The following SATB2 variants were observed in gnomAD, a reference collection of about 807,000 sequenced individuals.
SATB2 encodes DNA-binding protein SATB2.
SATB2 carries 1 observed loss-of-function variant against 73.4 expected under a neutral mutation model. The ratio of observed to expected loss-of-function variants is 0.01; its 90% CI spans 0.00 to 0.06. SATB2 has a LOEUF of 0.06. Ranked by LOEUF, SATB2 falls within the 10% of genes least tolerant of loss-of-function variation. The pLI, the probability that SATB2 is intolerant of heterozygous loss-of-function variation, is 1.00. For synonymous variants in SATB2, 397 were observed against 367.0 expected, an observed-to-expected ratio of 1.08 and a Z score of -0.93; for missense variants, 459 against 945.8, an observed-to-expected ratio of 0.49 and a Z score of 6.75.
chr2:199,380,553 C>T, intron 4 of SATB2, 66 bp from the exon 5 acceptor site: 1 of 1,582,540 alleles, frequency 6.3e-7, no homozygotes, highest in East Asian at 2.2e-5. Context: ...GAAGAGGAGA[C>T]ACTGCAGCAG....
At chr2:199,366,324 C>G (rs16831370) in intron 6 of SATB2, among the ~76,000 whole-genome samples, 5,391 of 152,094 alleles carry the variant, frequency 0.035, 150 homozygotes, top group Middle Eastern at 0.085. Flanking sequence ...CAAATCAAAT[C>G]ATTACTTTCC....
chr2:199,386,324 A>G (rs1689930843), intron 3 of SATB2, among the ~76,000 whole-genome samples: 1 of 152,156 alleles, frequency 6.6e-6, no homozygotes, highest in African/African-American at 2.4e-5. Flanking sequence ...TTCAGATTTG[A>G]GATGCTCAAC....
intron 10 of SATB2, among the ~76,000 whole-genome samples, chr2:199,304,009 T>C (rs187458837): frequency 3.9e-5 from 6 of 152,312 alleles, no homozygotes; most frequent in South Asian, 2.1e-4. Context: ...TGCTCCCTAA[T>C]CACCCTCACT....
intron 7 of SATB2, among the ~76,000 whole-genome samples, chr2:199,337,721 C>T (rs1168302625): frequency 2.0e-5 from 3 of 152,108 alleles, no homozygotes; most frequent in Middle Eastern, 3.2e-3. Flanking sequence ...CAATTTTAGA[C>T]ACAGAACTGT....
chr2:199,470,410 G>A (rs1692681281), intron 1 of SATB2: 1 of 152,198 alleles, frequency 6.6e-6, no homozygotes, highest in African/African-American at 2.4e-5. Context: ...GTTTCTGCTT[G>A]GGTCAGAGGG....
chr2:199,327,196 T>C (rs1037997834), intron 8 of SATB2, among the ~76,000 whole-genome samples: 2 of 152,182 alleles, frequency 1.3e-5, no homozygotes, highest in Admixed American at 6.5e-5. Context: ...TCCCAGCACT[T>C]TGCAAGGCCG....
intron 10 of SATB2, among the ~76,000 whole-genome samples, chr2:199,295,924 G>A (rs980999189): frequency 3.9e-5 from 6 of 152,198 alleles, no homozygotes; most frequent in African/African-American, 1.4e-4. Flanking sequence ...TCAGAACTTT[G>A]GCAGTTTTCC....
rs548809345 is a variant in SATB2 at position 199,391,171 on chromosome 2, C to A, written c.347-9351G>T. ...TCCCTTTAGAATATTTTAGGCCGGG[C>A]GCGGTGGCTCACGCCTGTAATCCCA... On this transcript the variant is annotated intron_variant, in intron 3 of 10. Coordinates refer to ENST00000417098, the MANE Select transcript of SATB2 (RefSeq NM_001172509.2). 2.0e-5 allele frequency among the ~76,000 whole-genome samples: 3 copies of A among 152,038 alleles called. No individual in the cohort carries two copies. In the South Asian group the frequency reaches 6.2e-4, roughly 32 times the overall value.
intron 10 of SATB2, among the ~76,000 whole-genome samples, chr2:199,283,280 C>T (rs377042033): frequency 1.5e-5 from 2 of 137,456 alleles, no homozygotes; most frequent in South Asian, 2.3e-4. Flanking sequence ...TTTGTAGGGA[C>T]GGGGTTTCAT....
intron 3 of SATB2, among the ~76,000 whole-genome samples, chr2:199,413,435 A>C (rs1048227626): frequency 6.6e-6 from 1 of 152,288 alleles, no homozygotes; most frequent in Middle Eastern, 3.4e-3. Context: ...CTCTGAATCT[A>C]ATCAGGACTC....
chr2:199,281,373 G>T (rs1692488911), intron 10 of SATB2, among the ~76,000 whole-genome samples: 2 of 151,838 alleles, frequency 1.3e-5, no homozygotes, highest in Admixed American at 6.6e-5. Context: ...CAGTTTCCCA[G>T]GTGGTCACGT....
chr2:199,368,844 T>C, intron 5 of SATB2, 137 bp from the exon 6 acceptor site: 1 of 602,212 alleles, frequency 1.7e-6, no homozygotes, highest in Non-Finnish European at 2.9e-6. Flanking sequence ...AACTGAACTA[T>C]TAACATCAAA....
intron 9 of SATB2, among the ~76,000 whole-genome samples, chr2:199,315,381 G>T (rs1048356950): frequency 2.0e-5 from 3 of 152,018 alleles, no homozygotes; most frequent in African/African-American, 7.3e-5. Context: ...AATGACCAGG[G>T]AGGCCTTTCA....
intron 6 of SATB2, among the ~76,000 whole-genome samples, chr2:199,361,448 C>T (rs567719395): frequency 2.6e-5 from 4 of 151,960 alleles, no homozygotes; most frequent in South Asian, 2.1e-4. Context: ...ATTCCATTTC[C>T]GTCAATTACT....
chr2:199,415,291 A>T (rs764986040), intron 3 of SATB2, among the ~76,000 whole-genome samples: 4 of 152,238 alleles, frequency 2.6e-5, no homozygotes, highest in African/African-American at 4.8e-5. Context: ...ATGGTCTCAA[A>T]GAAATAACCA....
At position 199,409,167 on chromosome 2, in the gene SATB2, CTTTT is replaced by C. The variant is rs67330007; in HGVS notation, c.346+24167_346+24170del. Among the ~76,000 whole-genome samples the C allele has an allele frequency of 6.1e-5, 7 of 115,236 alleles. No individual in the cohort carries two copies. In the South Asian group the frequency reaches 1.8e-3, roughly 29 times the overall value. The allele number at this position is 115,236 out of a possible 152,430, so 75.6% of individuals were successfully genotyped here. On this transcript the variant is annotated intron_variant, in intron 3 of 10. Transcript: ENST00000417098. ...GCTCCAACATTTTCTTTTTTCTTTT[CTTTT>C]TTTTTTTTTTTTTTTGAGACGGAGT... is the stretch of plus-strand genomic sequence containing the variant.
intron 2 of SATB2, among the ~76,000 whole-genome samples, chr2:199,433,764 T>C (rs1393456758): frequency 2.6e-5 from 4 of 152,122 alleles, no homozygotes; most frequent in Non-Finnish European, 5.9e-5. Flanking sequence ...AGAGGTGTCC[T>C]GGTACATAGG....
upstream of SATB2, among the ~76,000 whole-genome samples, chr2:199,462,506 A>G (rs889564834): frequency 6.6e-6 from 1 of 152,162 alleles, no homozygotes; most frequent in Admixed American, 6.5e-5. The surrounding 1 kb of genome is among the most constrained non-coding windows in gnomAD (Gnocchi z 5.9). Context: ...CCTTTCCCAG[A>G]GTGCTCCGGG....
chr2:199,349,971 A>T (rs1688766661), intron 6 of SATB2, among the ~76,000 whole-genome samples: 1 of 152,170 alleles, frequency 6.6e-6, no homozygotes, highest in Non-Finnish European at 1.5e-5. Flanking sequence ...TGTCTTAGGA[A>T]AGACAGTCAC....
Sources: gnomAD v4.1 joint callset for allele counts (sites outside exome capture counted in the v4.1 genomes callset) on GRCh38, gnomAD v4.1.1 for gene constraint, Gnocchi (gnomAD v3.1) non-coding constraint, MANE v1.5 for transcripts, NCBI Gene and HGNC (gene_info 2026-07-23, HGNC 2026-07-21) for gene names.